GCC2: variants seen among roughly 807,000 people sequenced by gnomAD.
GCC2 encodes the protein GRIP and coiled-coil domain containing 2.
Under a neutral mutation model 210.6 loss-of-function variants are expected in GCC2, and 120 were observed. The ratio of observed to expected loss-of-function variants is 0.57; its 90% confidence interval spans 0.49 to 0.66. GCC2 has a LOEUF of 0.66. Among genes scored for constraint, GCC2 ranks in the 30% least tolerant of loss-of-function variants. The pLI is 0.00. For synonymous variants in GCC2, 703 were observed against 652.7 expected (o/e 1.08, Z -1.17); for missense variants, 1,868 against 1,871.9 (o/e 1.00, Z 0.04).
At position 108,471,559 on chromosome 2, in the gene GCC2, C is replaced by A; in HGVS notation, c.2230C>A (p.Leu744Met). The stretch of plus-strand genomic sequence containing the variant: ...TGAAGAGCAAGATAATTTAAATAAA[C>A]TGCTTGAAAATGAGCAAGTTCAGAA... ...MVEEQDNLNK[L>M]LENEQVQKLF... The change falls in exon 6 of 23, where the codon CTG (leucine) becomes ATG (methionine). Residue 744 changes from leucine (L) to methionine (M), a missense_variant. By Grantham distance (15) the Leu-to-Met change is conservative. Around this residue, in one of 3 missense-constraint regions of GCC2, gnomAD observed 1,847 missense variants for 1,765.2 expected, o/e 1.05. Transcript: ENST00000309863. 1 of 1,608,088 alleles carries A rather than the reference C, an allele frequency of 6.2e-7. No homozygotes were observed. Among genetic ancestry groups the A allele is most frequent in the Non-Finnish European group, 8.5e-7 (1 of 1,177,770 alleles).
At chr2:108,480,303 T>G (rs1219471930) in intron 9 of GCC2, among the ~76,000 whole-genome samples, 1 of 152,162 alleles carries the variant, frequency 6.6e-6, no homozygotes, top group Non-Finnish European at 1.5e-5. Context: ...ACTTACACTT[T>G]TGGTGGGAGT....
At chr2:108,476,217 G>T (rs745696498) in intron 9 of GCC2, among the ~76,000 whole-genome samples, 5 of 151,798 alleles carry the variant, frequency 3.3e-5, no homozygotes, top group Non-Finnish European at 7.4e-5. Flanking sequence ...GCGCCACCAT[G>T]CCCGGCCAGT....
chr2:108,494,720 T>C (rs1244166125), intron 19 of GCC2: 1 of 152,368 alleles, frequency 6.6e-6, no homozygotes, highest in African/African-American at 2.4e-5. Context: ...TTATGAGCTG[T>C]GTTATCTAAC....
intron 19 of GCC2, chr2:108,493,628 A>G (rs1682511208): frequency 1.0e-6 from 1 of 985,430 alleles, no homozygotes; most frequent in Non-Finnish European, 1.2e-6. Flanking sequence ...CCAGGAAGAC[A>G]TGGAAAAATG....
intron 20 of GCC2, 67 bp from the exon 21 acceptor site, chr2:108,496,903 T>C (rs190925343): frequency 0.013 from 20,025 of 1,599,366 alleles, 152 homozygotes; most frequent in Non-Finnish European, 0.015. Flanking sequence ...TTTAGATTTT[T>C]CTTATTTAGA....
chr2:108,484,197 C>T lies in GCC2; in HGVS notation c.3499C>T (p.Arg1167Cys), dbSNP rs1426537811. The T allele has an allele frequency of 1.1e-5, 17 of 1,591,688 alleles. No homozygotes were observed. Among genetic ancestry groups the T allele is most frequent in the African/African-American group, 1.4e-5 (1 of 73,522 alleles). The change falls in exon 13 of 23, where the codon CGT (arginine) becomes TGT (cysteine). Residue 1167 changes from arginine (R) to cysteine (C), a missense_variant. Coordinates refer to ENST00000309863, the MANE Select transcript of GCC2 (RefSeq NM_181453.4). The part of the protein sequence containing the change: ...LMNMEIADYE[R>C]LMKELNQKLT... ...GAATATGGAAATAGCTGATTATGAA[C>T]GTTTGATGAAAGAACTAAATCAAAA...
At chr2:108,466,768 C>T (rs1573362802) in intron 4 of GCC2, among the ~76,000 whole-genome samples, 1 of 152,128 alleles carries the variant, frequency 6.6e-6, no homozygotes, top group African/African-American at 2.4e-5. Flanking sequence ...TACCTGCACC[C>T]GGCCAGCTTA....
Position 108,470,851 on chromosome 2 carries a change from A to G in GCC2, c.1522A>G (p.Met508Val), listed in dbSNP as rs200270126. 523 of 1,613,836 alleles carry G rather than the reference A, an allele frequency of 3.2e-4. 1 individual carries two copies. Among genetic ancestry groups the G allele is most frequent in the East Asian group, 1.7e-3 (77 of 44,862 alleles). Reference sequence around the variant, plus strand: ...AAAAATAAGTCAAGAGTTCGAATCAATGAAGCAACAGCAAGCATCTGATGT... The same window carrying G: ...AAAAATAAGTCAAGAGTTCGAATCAGTGAAGCAACAGCAAGCATCTGATGT... Reference protein sequence around the residue: ...AGKISQEFESMKQQQASDVHE... With the variant: ...AGKISQEFESVKQQQASDVHE... Residue 508 changes from methionine (M) to valine (V), a missense_variant, in exon 6 of 23, where the codon ATG becomes GTG. Transcript: ENST00000309863.
At chr2:108,495,026 G>T (rs887497199) in intron 19 of GCC2, 63 of 204,646 alleles carry the variant, frequency 3.1e-4, no homozygotes, top group Middle Eastern at 3.9e-3. Context: ...TGGCCAGGCT[G>T]GTCTTGAACT....
chr2:108,475,743 T>C lies in GCC2; in HGVS notation c.2962-9T>C. The C allele has an allele frequency of 6.3e-7, 1 of 1,580,348 alleles. No individual in the cohort carries two copies. Among genetic ancestry groups the C allele is most frequent in the South Asian group, 1.2e-5 (1 of 86,290 alleles). On this transcript the variant is annotated splice_polypyrimidine_tract_variant and intron_variant, in intron 8 of 22. Transcript: ENST00000309863. ...AAAACCTCTTTAATTTTACTTGTGT[T>C]TAAAACAGACCCAGACTGTGAAGGA...
intron 18 of GCC2, among the ~76,000 whole-genome samples, chr2:108,491,989 A>G (rs965877851): frequency 6.6e-6 from 1 of 151,994 alleles, no homozygotes; most frequent in Admixed American, 6.6e-5. Flanking sequence ...AGAGGTCTCT[A>G]TTTTCAACAA....
chr2:108,460,672 C>T (rs897018613), intron 4 of GCC2, among the ~76,000 whole-genome samples: 3 of 152,118 alleles, frequency 2.0e-5, no homozygotes, highest in African/African-American at 7.2e-5. Flanking sequence ...GACTTTATTT[C>T]TCCTTCATTT....
rs1414417210 is a variant in GCC2, at chr2:108,497,209, C to T, written c.4782+100C>T. 4.3e-5 allele frequency: 68 copies of T among 1,584,948 alleles called. No homozygotes were observed. In the South Asian group the frequency reaches 7.4e-4, roughly 17 times the overall value. ...TCAGCTCACTGCAAGCTCCACCTCC[C>T]AGGTTCACGCCATTCTCCTGCCTCA... On this transcript the variant is annotated intron_variant, in intron 21 of 22. Coordinates refer to ENST00000309863, the MANE Select transcript of GCC2 (RefSeq NM_181453.4).
intron 4 of GCC2, among the ~76,000 whole-genome samples, chr2:108,458,992 A>G (rs988383520): frequency 1.3e-5 from 2 of 151,886 alleles, no homozygotes; most frequent in African/African-American, 4.8e-5. Flanking sequence ...TTTCTGGTTC[A>G]TTGAGGTAAA....
intron 7 of GCC2, chr2:108,475,064 CAG>C (rs1348953894): frequency 2.0e-5 from 3 of 152,338 alleles, no homozygotes; most frequent in Non-Finnish European, 2.9e-5. Flanking sequence ...AAGAAGTTAA[CAG>C]AGATCAATAT....
At chr2:108,485,767 A>G (rs1682109706) in intron 14 of GCC2, 31 bp downstream of exon 14, 2 of 1,455,864 alleles carry the variant, frequency 1.4e-6, no homozygotes, top group Non-Finnish European at 9.5e-7. Context: ...CATATTTAGT[A>G]CTTATTCATA....
intron 4 of GCC2, among the ~76,000 whole-genome samples, chr2:108,456,292 T>C (rs1334010732): frequency 6.6e-6 from 1 of 152,160 alleles, no homozygotes; most frequent in Non-Finnish European, 1.5e-5. Context: ...GCCTGAGAAA[T>C]CCCCAACTGT....
chr2:108,493,654 C>G, intron 19 of GCC2: 1 of 985,384 alleles, frequency 1.0e-6, no homozygotes, highest in South Asian at 4.7e-5. Context: ...CATGATGATG[C>G]AGTATTTTAG....
intron 1 of GCC2, among the ~76,000 whole-genome samples, 176 bp downstream of exon 1, chr2:108,449,456 A>G (rs1265026166): frequency 6.6e-6 from 1 of 152,144 alleles, no homozygotes; most frequent in Admixed American, 6.5e-5. Flanking sequence ...TGCCCCGTAG[A>G]GCCCGTTTGT....
Sources: gnomAD v4.1 joint callset for allele counts (sites outside exome capture counted in the v4.1 genomes callset) on GRCh38, gnomAD v4.1.1 for gene constraint, gnomAD v4.1.1 regional missense constraint, MANE v1.5 for transcripts, NCBI Gene and HGNC (gene_info 2026-07-23, HGNC 2026-07-21) for gene names.